The following IQSEC1 variants were observed in gnomAD, a reference collection of about 807,000 sequenced individuals.
IQSEC1 encodes IQ motif and Sec7 domain ArfGEF 1, also known as IQ motif and SEC7 domain-containing protein 1.
In IQSEC1, 31 loss-of-function variants were observed where a neutral mutation model predicts 91.0. That is an observed-to-expected ratio of 0.34 (90% CI 0.26 to 0.46). The LOEUF (loss-of-function observed/expected upper bound fraction) is 0.46. IQSEC1 is among the 20% of genes least tolerant of loss of function. The pLI is 1.00. For missense variants in IQSEC1, 1,388 were observed against 1,575.6 expected (o/e 0.88, Z 2.02); for synonymous variants, 699 against 662.6 (o/e 1.05, Z -0.84).
intron 1 of IQSEC1, among the ~76,000 whole-genome samples, chr3:13,169,679 A>G (rs1172705499): frequency 1.3e-5 from 2 of 152,238 alleles, no homozygotes; most frequent in African/African-American, 4.8e-5. Flanking sequence ...TGGGAATTGG[A>G]GCAAAGGTGA....
chr3:12,916,985 C>T (rs955732809), intron 6 of IQSEC1, among the ~76,000 whole-genome samples: 1 of 152,206 alleles, frequency 6.6e-6, no homozygotes, highest in African/African-American at 2.4e-5. Flanking sequence ...AAGCCAAAAT[C>T]GAGGAACTTC....
intron 2 of IQSEC1, among the ~76,000 whole-genome samples, chr3:13,117,545 T>TG (rs1706355842): frequency 9.1e-6 from 1 of 110,172 alleles, no homozygotes. Flanking sequence ...CACTCCAGCC[T>TG]GGTGACAGAG....
chr3:13,158,351 G>A lies in IQSEC1; in HGVS notation c.302+5753C>T, dbSNP rs371653572. On this transcript the variant is annotated intron_variant, in intron 2 of 15. Transcript: ENST00000648114. ...CGTTCAGCAGTTTTCATACCTCCTT[G>A]TGAACAAAATAAACTGTGTGTTCTC... Among the ~76,000 whole-genome samples the A allele has an allele frequency of 7.2e-4, 110 of 152,300 alleles. 3 individuals carry two copies. In the South Asian group the frequency reaches 0.022, roughly 30 times the overall value.
chr3:13,070,625 G>T (rs1191523502), intron 1 of IQSEC1, among the ~76,000 whole-genome samples: 1 of 152,168 alleles, frequency 6.6e-6, no homozygotes, highest in Non-Finnish European at 1.5e-5. Context: ...GCCTGCTCTT[G>T]GTTACAAGAT....
chr3:13,087,692 TA>T (rs1377303287), intron 2 of IQSEC1, among the ~76,000 whole-genome samples: 3 of 152,256 alleles, frequency 2.0e-5, no homozygotes, highest in African/African-American at 7.2e-5. Context: ...TGTGCTGCTG[TA>T]ACAGAATATC....
At chr3:13,273,029 T>G (rs571642123) in intron 1 of IQSEC1, among the ~76,000 whole-genome samples, 31 of 152,326 alleles carry the variant, frequency 2.0e-4, no homozygotes, top group African/African-American at 7.2e-4. Context: ...AGTGGCTCTG[T>G]GCACAGTTAC....
intron 2 of IQSEC1, among the ~76,000 whole-genome samples, chr3:13,157,038 T>G (rs1409243820): frequency 2.0e-5 from 3 of 152,332 alleles, no homozygotes; most frequent in East Asian, 3.9e-4. Context: ...ATTTGAGTCA[T>G]TTGACCAAGG....
intron 1 of IQSEC1, among the ~76,000 whole-genome samples, chr3:12,966,425 C>A (rs1353197203): frequency 3.3e-5 from 5 of 152,178 alleles, no homozygotes. Context: ...GTCAGCTTGT[C>A]AACAAATCCC....
chr3:13,087,477 T>C (rs1024945185), intron 2 of IQSEC1, among the ~76,000 whole-genome samples: 1 of 152,198 alleles, frequency 6.6e-6, no homozygotes, highest in African/African-American at 2.4e-5. Flanking sequence ...AATGGGTTGG[T>C]AAACCTGGCT....
chr3:13,208,472 C>T (rs950597995), intron 1 of IQSEC1, among the ~76,000 whole-genome samples: 6 of 152,154 alleles, frequency 3.9e-5, no homozygotes, highest in Admixed American at 1.3e-4. Flanking sequence ...TCCTGTTCAC[C>T]TGTAACAACC....
At chr3:13,139,864 A>T (rs1287856923) in intron 2 of IQSEC1, among the ~76,000 whole-genome samples, 2 of 152,154 alleles carry the variant, frequency 1.3e-5, no homozygotes. Flanking sequence ...CACCCGCGGT[A>T]TGGCAGGGCC....
chr3:13,185,489 G>A (rs547085055), intron 1 of IQSEC1, among the ~76,000 whole-genome samples: 1 of 152,334 alleles, frequency 6.6e-6, no homozygotes, highest in Admixed American at 6.5e-5. Context: ...GACTGCGCCT[G>A]CTATATGGGA....
At position 12,941,693 on chromosome 3, in the gene IQSEC1, G is replaced by T. The variant is rs142179028; in HGVS notation, c.196C>A (p.Arg66=). The T allele has an allele frequency of 7.4e-6, 12 of 1,612,690 alleles. No individual in the cohort carries two copies. In the African/African-American group the frequency reaches 1.3e-4, roughly 18 times the overall value. Residue 66 remains arginine, a synonymous_variant, in exon 2 of 14, where the codon CGG becomes AGG. Coordinates refer to ENST00000613206, the MANE Select transcript of IQSEC1 (RefSeq NM_001134382.3). ...GTCGAGTGCTGCAGCTTGGGCCTCCGCGTGCGCTGCTGTTGCCCCGGCGGC... is the reference window on the plus strand; with the variant it reads ...GTCGAGTGCTGCAGCTTGGGCCTCCTCGTGCGCTGCTGTTGCCCCGGCGGC... ...SGPPGQQQRT[R]RPKLQHSTSI...
Position 13,044,107 on chromosome 3 carries a change from T to G in IQSEC1, c.23+28885A>C, listed in dbSNP as rs143408301. On this transcript the variant is annotated intron_variant, in intron 1 of 13. Coordinates refer to ENST00000613206, the MANE Select transcript of IQSEC1 (RefSeq NM_001134382.3). Reference sequence around the variant, plus strand: ...GAACCAGAGGCCTGATCTCACCCCATGCAAAGCCAAAGAACAAAGTCTCCC... The same window carrying G: ...GAACCAGAGGCCTGATCTCACCCCAGGCAAAGCCAAAGAACAAAGTCTCCC... Among the ~76,000 whole-genome samples, 188 of 152,284 alleles carry G rather than the reference T, an allele frequency of 1.2e-3. 1 individual carries two copies. The highest frequency in any genetic ancestry group is 2.3e-3 in the Non-Finnish European group (157 of 68,018).
intron 2 of IQSEC1, among the ~76,000 whole-genome samples, chr3:13,087,891 G>A (rs545254098): frequency 6.6e-6 from 1 of 152,278 alleles, no homozygotes; most frequent in Admixed American, 6.5e-5. Context: ...GTTTATCAGG[G>A]CCCGCTCCCA....
chr3:12,902,852 G>A (rs1278306956), intron 12 of IQSEC1, 30 bp from the exon 13 acceptor site: 3 of 1,582,266 alleles, frequency 1.9e-6, no homozygotes, highest in Non-Finnish European at 1.7e-6. Context: ...CCAGAAGTTA[G>A]ACGCGGACAT....
At chr3:12,921,911 C>A (rs1696665389) in intron 5 of IQSEC1, among the ~76,000 whole-genome samples, 1 of 152,210 alleles carries the variant, frequency 6.6e-6, no homozygotes, top group Non-Finnish European at 1.5e-5. Flanking sequence ...GTCTTCTCCA[C>A]CCCCACCACC....
rs114593038 is a variant in IQSEC1, at chr3:13,052,762, G to A, written c.23+20230C>T. ...GACAGACGTACGTGGTGCCATGTCT[G>A]TTTTTTTTTTTAAATGAAAGGTCTC... On this transcript the variant is annotated intron_variant, in intron 1 of 13. Coordinates refer to ENST00000613206, the MANE Select transcript of IQSEC1 (RefSeq NM_001134382.3). Among the ~76,000 whole-genome samples the A allele has an allele frequency of 3.1e-3, 455 of 146,952 alleles. 1 individual carries two copies. The highest frequency in any genetic ancestry group is 0.011 in the African/African-American group (431 of 40,248).
chr3:13,192,520 G>A lies in IQSEC1; in HGVS notation c.273-28387C>T, dbSNP rs143592296. 1.1e-3 allele frequency among the ~76,000 whole-genome samples: 175 copies of A among 152,254 alleles called. 3 individuals are homozygous for A. The East Asian group carries it at 0.026, about 22-fold the overall frequency. On this transcript the variant is annotated intron_variant, in intron 1 of 15. Transcript: ENST00000648114. Reference sequence around the variant, plus strand: ...TGAAGATGCAGGAAGACAGCCCTGCGGAGGTGGAGGTGGAGACAGGAGGGA... The same window carrying A: ...TGAAGATGCAGGAAGACAGCCCTGCAGAGGTGGAGGTGGAGACAGGAGGGA...
Sources: allele counts gnomAD v4.1 joint callset (sites outside exome capture counted in the v4.1 genomes callset), GRCh38; gene constraint gnomAD v4.1.1; transcripts MANE v1.5; gene names NCBI Gene and HGNC (gene_info 2026-07-23, HGNC 2026-07-21).